ITGAE: variants seen among roughly 807,000 people sequenced by gnomAD.
ITGAE encodes the protein integrin subunit alpha E, also known as integrin alpha-E.
In ITGAE, 99 loss-of-function variants were observed where a neutral mutation model predicts 136.5. The ratio of observed to expected loss-of-function variants is 0.73; its 90% CI spans 0.62 to 0.86. The LOEUF is 0.86. Ranked by LOEUF, ITGAE falls within the 40% of genes least tolerant of loss-of-function variation. The pLI is 0.00. For synonymous variants in ITGAE, 613 were observed against 591.8 expected, an observed-to-expected ratio of 1.04 and a Z score of -0.52; for missense variants, 1,447 against 1,515.3, an observed-to-expected ratio of 0.95 and a Z score of 0.75.
At chr17:3,764,696 C>CATAAATAA (rs757192480) in intron 2 of ITGAE, among the ~76,000 whole-genome samples, 3 of 151,914 alleles carry the variant, frequency 2.0e-5, no homozygotes, top group Non-Finnish European at 4.4e-5. Context: ...GACTTCGTCT[C>CATAAATAA]ATAAATAAAT....
At chr17:3,723,936 A>C (rs756698026) in intron 26 of ITGAE, 192 bp from the exon 27 acceptor site, 2 of 1,549,710 alleles carry the variant, frequency 1.3e-6, no homozygotes, top group Non-Finnish European at 1.7e-6. Context: ...GGTGCCGGCC[A>C]TGGCGGCTTC....
At chr17:3,748,321 T>C (rs1266074678) in intron 16 of ITGAE, among the ~76,000 whole-genome samples, 2 of 152,218 alleles carry the variant, frequency 1.3e-5, no homozygotes, top group African/African-American at 4.8e-5. Flanking sequence ...GTGCGGTGGC[T>C]CACGCCTGTA....
chr17:3,785,489 AAGGAAGG>A lies in ITGAE; in HGVS notation c.35-7836_35-7830del, dbSNP rs1304391158. Among the ~76,000 whole-genome samples, 3 of 135,928 alleles carry A rather than the reference AAGGAAGG, an allele frequency of 2.2e-5. No individual in the cohort carries two copies. In the South Asian group the frequency reaches 7.5e-4, roughly 34 times the overall value. The allele number at this position is 135,928 out of a possible 152,430, so 89.2% of individuals were successfully genotyped here. Reference sequence around the variant, plus strand: ...GAAAGAAGAAAGAAAGGAAGGAAGGAAGGAAGGAGGAAGGAAGGAAGGAAGGAAGGAA... The same window carrying A: ...GAAAGAAGAAAGAAAGGAAGGAAGGAAGGAAGGAAGGAAGGAAGGAAGGAA... On this transcript the variant is annotated intron_variant, in intron 1 of 30. Coordinates refer to ENST00000263087, the MANE Select transcript of ITGAE (RefSeq NM_002208.5).
intron 1 of ITGAE, among the ~76,000 whole-genome samples, chr17:3,792,271 A>G (rs969164438): frequency 3.3e-5 from 5 of 152,032 alleles, no homozygotes; most frequent in Admixed American, 6.6e-5. Context: ...ATAGGCACGC[A>G]CCACCACACC....
intron 2 of ITGAE, among the ~76,000 whole-genome samples, chr17:3,766,792 A>AAATAAT (rs146384772): frequency 2.3e-4 from 31 of 136,908 alleles, no homozygotes; most frequent in South Asian, 4.9e-4. Flanking sequence ...AAAGAGTGCA[A>AAATAAT]AATAATAATA....
chr17:3,755,894 G>T lies in ITGAE; in HGVS notation c.1175C>A (p.Thr392Lys), dbSNP rs141302567. Residue 392 changes from threonine to lysine, a missense_variant, in exon 11 of 31, where the codon ACG becomes AAG. By Grantham distance (78) the Thr-to-Lys change is moderately conservative. Transcript: ENST00000263087. ...CTGGTAGTGAAGGGCGTCTCCAACC[G>T]TGCCTGCAAGCCAAGAAGCCCAGTG... ...LRYNIISMEG[T>K]VGDALHYQLA... 6.3e-7 allele frequency: 1 copy of T among 1,594,094 alleles called. No individual in the cohort carries two copies. The highest frequency in any genetic ancestry group is 8.5e-7 in the Non-Finnish European group (1 of 1,170,290).
chr17:3,730,756 C>T (rs1385446661), intron 23 of ITGAE, among the ~76,000 whole-genome samples: 1 of 152,156 alleles, frequency 6.6e-6, no homozygotes, highest in Admixed American at 6.6e-5. Flanking sequence ...GAGAACTCTT[C>T]CCAGCAGCGT....
In ITGAE at chr17:3,763,877, T is replaced by C. The variant is rs1337294738; in HGVS notation, c.239A>G (p.His80Arg). Residue 80 changes from histidine to arginine, a missense_variant, in exon 3 of 31, where the codon CAT becomes CGT. By Grantham distance (29) the His-to-Arg change is conservative (BLOSUM62 0). Around this residue, in one of 3 missense-constraint regions of ITGAE, gnomAD observed 310 missense variants for 416.1 expected, o/e 0.74. Transcript: ENST00000263087. Reference protein sequence around the residue: ...CSLVQDEILCHPVEHVPIPKG... With the variant: ...CSLVQDEILCRPVEHVPIPKG... ...AGTTGGGGCTGACTTACCTACAGGATGGCAAAGGATTTCATCCTGGACAAG... is the reference window on the plus strand; with the variant it reads ...AGTTGGGGCTGACTTACCTACAGGACGGCAAAGGATTTCATCCTGGACAAG... 1 of 1,613,600 alleles carries C rather than the reference T, an allele frequency of 6.2e-7. No individual in the cohort carries two copies. The highest frequency in any genetic ancestry group is 1.7e-5 in the Admixed American group (1 of 59,976).
intron 1 of ITGAE, among the ~76,000 whole-genome samples, chr17:3,788,298 T>C (rs895365735): frequency 5.3e-5 from 8 of 151,800 alleles, no homozygotes; most frequent in African/African-American, 1.9e-4. Context: ...TTCTTTCTTT[T>C]TTGCTTTTTG....
chr17:3,795,385 C>A (rs2053040210), intron 1 of ITGAE, among the ~76,000 whole-genome samples: 1 of 152,228 alleles, frequency 6.6e-6, no homozygotes, highest in Non-Finnish European at 1.5e-5. Context: ...CACGCCACCC[C>A]ACCCCTGTGT....
chr17:3,798,104 T>TCC lies in ITGAE; in HGVS notation c.34+3006_34+3007insGG, dbSNP rs1567568105. 2.6e-5 allele frequency among the ~76,000 whole-genome samples: 4 copies of TCC among 152,104 alleles called. No individual in the cohort carries two copies. The East Asian group carries it at 5.8e-4, about 22-fold the overall frequency. ...CAGGCCTCCCAGAGAAGGGCAGGGA[T>TCC]GTGGGGCTCCCACACGGCCCACACT... On this transcript the variant is annotated intron_variant, in intron 1 of 30. Coordinates refer to ENST00000263087, the MANE Select transcript of ITGAE (RefSeq NM_002208.5). The surrounding 1 kb of genome is among the most constrained non-coding windows in gnomAD (Gnocchi z 4.3).
chr17:3,743,011 G>A (rs2051622938), intron 19 of ITGAE, among the ~76,000 whole-genome samples: 3 of 152,256 alleles, frequency 2.0e-5, no homozygotes, highest in Non-Finnish European at 1.5e-5. Flanking sequence ...GCACCAGGAG[G>A]AGAGGCTAGG....
At chr17:3,781,063 C>T (rs1208551649) in intron 1 of ITGAE, among the ~76,000 whole-genome samples, 1 of 152,170 alleles carries the variant, frequency 6.6e-6, no homozygotes, top group East Asian at 1.9e-4. Context: ...TTGTTTACTG[C>T]CTACTCATGT....
chr17:3,796,993 C>A (rs1194598922), intron 1 of ITGAE, among the ~76,000 whole-genome samples: 2 of 148,622 alleles, frequency 1.3e-5, no homozygotes, highest in Admixed American at 6.7e-5. Context: ...CAGCCGCAGT[C>A]CCCCCACCTC....
At chr17:3,732,153 T>C (rs1488607720) in intron 22 of ITGAE, among the ~76,000 whole-genome samples, 1 of 152,008 alleles carries the variant, frequency 6.6e-6, no homozygotes, top group Non-Finnish European at 1.5e-5. Flanking sequence ...TTCACGGAGG[T>C]GAGCAGGCAG....
rs544736410 is a variant in ITGAE at position 3,765,297 on chromosome 17, C to T, written c.156-1337G>A. On this transcript the variant is annotated intron_variant, in intron 2 of 30. Coordinates refer to ENST00000263087, the MANE Select transcript of ITGAE (RefSeq NM_002208.5). The stretch of plus-strand genomic sequence containing the variant: ...CCAGGAGGCAGAGGTTGCAGTGAGC[C>T]GAGATCACGCCACTGAACTCCAGCC... Among the ~76,000 whole-genome samples the T allele has an allele frequency of 6.1e-5, 8 of 131,176 alleles. No individual in the cohort carries two copies. The Admixed American group carries it at 6.6e-4, about 11-fold the overall frequency. 86.1% of individuals were successfully genotyped at this position (131,176 alleles called of 152,430 possible).
intron 1 of ITGAE, among the ~76,000 whole-genome samples, chr17:3,796,781 A>C (rs11078464): frequency 1.3e-5 from 2 of 151,824 alleles, no homozygotes; most frequent in African/African-American, 2.4e-5. Context: ...CCCCCAGCAC[A>C]CCGGGCAATT....
intron 1 of ITGAE, among the ~76,000 whole-genome samples, chr17:3,800,851 G>A (rs2053240344): frequency 6.6e-6 from 1 of 152,224 alleles, no homozygotes; most frequent in Admixed American, 6.5e-5. Flanking sequence ...CTGGCTGGAG[G>A]AGGAACAGAA....
At chr17:3,771,527 T>C (rs1030079181) in intron 2 of ITGAE, among the ~76,000 whole-genome samples, 1 of 145,862 alleles carries the variant, frequency 6.9e-6, no homozygotes, top group African/African-American at 2.6e-5. Flanking sequence ...GAGGTGTGCA[T>C]TTTTCTCTTT....
Sources: allele counts gnomAD v4.1 joint callset (sites outside exome capture counted in the v4.1 genomes callset), GRCh38; gene constraint gnomAD v4.1.1; regional missense constraint gnomAD v4.1.1; non-coding constraint Gnocchi (gnomAD v3.1); transcripts MANE v1.5; gene names NCBI Gene and HGNC (gene_info 2026-07-23, HGNC 2026-07-21).